The following SMYD3 variants were observed in gnomAD, a reference collection of about 807,000 sequenced individuals.
SMYD3 encodes the protein SET and MYND domain containing 3.
Under a neutral mutation model 57.7 loss-of-function variants are expected in SMYD3, and 36 were observed. The ratio of observed to expected loss-of-function variants is 0.62; its 90% CI spans 0.48 to 0.82. SMYD3 has a LOEUF of 0.82. SMYD3 is among the 40% of genes least tolerant of loss of function. The pLI, the probability that SMYD3 is intolerant of heterozygous loss-of-function variation, is 0.00. For missense variants in SMYD3, 515 were observed against 538.8 expected, an observed-to-expected ratio of 0.96 and a Z score of 0.44; for synonymous variants, 211 against 195.0, an observed-to-expected ratio of 1.08 and a Z score of -0.68.
intron 10 of SMYD3, among the ~76,000 whole-genome samples, chr1:245,774,873 G>C (rs1341426079): frequency 6.6e-6 from 1 of 152,180 alleles, no homozygotes; most frequent in East Asian, 1.9e-4. Flanking sequence ...ACGGGTTTTC[G>C]TATTTTTTTG....
At chr1:246,062,298 C>T (rs1239462826) in intron 5 of SMYD3, among the ~76,000 whole-genome samples, 1 of 152,072 alleles carries the variant, frequency 6.6e-6, no homozygotes, top group African/African-American at 2.4e-5. Flanking sequence ...TATAGTCTAC[C>T]ATTTGACAAT....
At chr1:246,315,007 G>A (rs1223524088) in intron 5 of SMYD3, among the ~76,000 whole-genome samples, 1 of 152,152 alleles carries the variant, frequency 6.6e-6, no homozygotes, top group African/African-American at 2.4e-5. Context: ...CTAACAGAAA[G>A]GGCATTAGAC....
intron 8 of SMYD3, among the ~76,000 whole-genome samples, chr1:245,881,585 T>G (rs2052781103): frequency 6.6e-6 from 1 of 152,188 alleles, no homozygotes; most frequent in Non-Finnish European, 1.5e-5. Flanking sequence ...ACAAATTTAT[T>G]AGGCACTGTA....
At chr1:246,114,820 C>T (rs751038126) in intron 5 of SMYD3, among the ~76,000 whole-genome samples, 4 of 152,106 alleles carry the variant, frequency 2.6e-5, no homozygotes, top group African/African-American at 4.8e-5. Flanking sequence ...TTAGTAGAGA[C>T]GGGGTTTCAC....
intron 5 of SMYD3, among the ~76,000 whole-genome samples, chr1:246,316,910 G>A (rs1016985659): frequency 2.0e-5 from 3 of 151,062 alleles, no homozygotes; most frequent in Non-Finnish European, 3.0e-5. Context: ...CAGGAGAATC[G>A]CTTGAACCTG....
At chr1:245,766,371 G>A (rs1022751176) in intron 10 of SMYD3, among the ~76,000 whole-genome samples, 8 of 138,690 alleles carry the variant, frequency 5.8e-5, no homozygotes, top group African/African-American at 2.2e-4. Context: ...CTGCACTCCA[G>A]CCTGGGCAAC....
intron 8 of SMYD3, among the ~76,000 whole-genome samples, chr1:245,894,693 G>A (rs1488478921): frequency 2.0e-5 from 3 of 152,160 alleles, no homozygotes; most frequent in African/African-American, 4.8e-5. Flanking sequence ...TAGACTTCCT[G>A]AACACTACTG....
intron 1 of SMYD3, among the ~76,000 whole-genome samples, chr1:246,397,966 G>GAACAACAAC (rs138419781): frequency 6.7e-6 from 1 of 150,012 alleles, no homozygotes; most frequent in Non-Finnish European, 1.5e-5. Context: ...AGGGGAGAAA[G>GAACAACAAC]AACAACAACA....
chr1:246,329,655 G>C lies in SMYD3; in HGVS notation c.394+825C>G, dbSNP rs894154836. On this transcript the variant is annotated intron_variant, in intron 4 of 11. Coordinates refer to ENST00000490107, the MANE Select transcript of SMYD3 (RefSeq NM_001167740.2). ...ATTTTGTAGGTTGCCTGTTCACTCT[G>C]ATGGTAGTTTCTTTTGCTGTGCAGA... is the stretch of plus-strand genomic sequence containing the variant. Among the ~76,000 whole-genome samples, 5 of 152,276 alleles carry C rather than the reference G, an allele frequency of 3.3e-5. No individual in the cohort carries two copies. In the East Asian group the frequency reaches 9.6e-4, roughly 29 times the overall value.
rs567309485 is a variant in SMYD3, at chr1:246,119,265, T to A, written c.532-189328A>T. 9.5e-4 allele frequency among the ~76,000 whole-genome samples: 145 copies of A among 152,244 alleles called. 1 individual carries two copies. The highest frequency in any genetic ancestry group is 5.9e-4 in the Admixed American group (9 of 15,286). On this transcript the variant is annotated intron_variant, in intron 5 of 11. Transcript: ENST00000490107. Reference sequence around the variant, plus strand: ...CTTCCACCTTGGCCTCCTAAAGTGCTGGGATTACAGGCATGAGCCATCACA... The same window carrying A: ...CTTCCACCTTGGCCTCCTAAAGTGCAGGGATTACAGGCATGAGCCATCACA...
At chr1:246,121,290 C>T (rs2061420710) in intron 5 of SMYD3, among the ~76,000 whole-genome samples, 1 of 152,074 alleles carries the variant, frequency 6.6e-6, no homozygotes, top group African/African-American at 2.4e-5. Flanking sequence ...GGAAGTTATT[C>T]CCTGTCTTGC....
intron 5 of SMYD3, among the ~76,000 whole-genome samples, chr1:246,083,252 G>A (rs1388389938): frequency 1.3e-5 from 2 of 152,230 alleles, no homozygotes; most frequent in Admixed American, 6.5e-5. Context: ...TACTGAGACA[G>A]GGGAAAACCG....
chr1:246,261,635 T>C (rs376026988), intron 5 of SMYD3, among the ~76,000 whole-genome samples: 3 of 151,996 alleles, frequency 2.0e-5, no homozygotes, highest in East Asian at 3.9e-4. Flanking sequence ...TACTAAAACA[T>C]GAACTGACCT....
rs558779765 is a variant in SMYD3, at chr1:246,430,835, T to C, written c.165-75741A>G. 6.1e-4 allele frequency among the ~76,000 whole-genome samples: 92 copies of C among 151,904 alleles called. 1 individual carries two copies. The South Asian group carries it at 0.019, about 31-fold the overall frequency. On this transcript the variant is annotated intron_variant, in intron 1 of 11. Coordinates refer to ENST00000490107, the MANE Select transcript of SMYD3 (RefSeq NM_001167740.2). ...ATTACCTGAGGAACGTCAACATTAG[T>C]GGAATGAGCAGAAGAGAAGGAGCTT...
At chr1:246,279,742 A>G (rs1285757188) in intron 5 of SMYD3, among the ~76,000 whole-genome samples, 1 of 152,218 alleles carries the variant, frequency 6.6e-6, no homozygotes, top group African/African-American at 2.4e-5. Flanking sequence ...GAACAGTCCA[A>G]GAAGTGTGAA....
chr1:246,047,242 C>A (rs1270851745), intron 5 of SMYD3, among the ~76,000 whole-genome samples: 1 of 151,962 alleles, frequency 6.6e-6, no homozygotes, highest in East Asian at 1.9e-4. Context: ...TTGCCAGATA[C>A]CAAACTTACT....
intron 5 of SMYD3, among the ~76,000 whole-genome samples, chr1:246,055,212 A>T (rs552723401): frequency 1.3e-5 from 2 of 151,926 alleles, no homozygotes; most frequent in South Asian, 4.2e-4. Context: ...GTTGGCAAGG[A>T]TGTAGAGAAA....
chr1:245,920,553 T>C (rs965581887), intron 7 of SMYD3, among the ~76,000 whole-genome samples: 1 of 152,200 alleles, frequency 6.6e-6, no homozygotes, highest in South Asian at 2.1e-4. Flanking sequence ...TATTATAGTC[T>C]TCAGGTACCC....
intron 5 of SMYD3, among the ~76,000 whole-genome samples, chr1:246,302,116 C>T (rs2064900660): frequency 6.6e-6 from 1 of 152,148 alleles, no homozygotes; most frequent in South Asian, 2.1e-4. Flanking sequence ...AATACAATCA[C>T]CACTAATCTT....
Sources: allele counts gnomAD v4.1 joint callset (sites outside exome capture counted in the v4.1 genomes callset), GRCh38; gene constraint gnomAD v4.1.1; transcripts MANE v1.5; gene names NCBI Gene and HGNC (gene_info 2026-07-23, HGNC 2026-07-21).